Variants in TRPM3 observed in about 807,000 individuals in gnomAD.
TRPM3 encodes the protein transient receptor potential cation channel subfamily M member 3, also known as long transient receptor potential channel 3.
Under a neutral mutation model 181.2 loss-of-function variants are expected in TRPM3, and 77 were observed. The ratio of observed to expected loss-of-function variants is 0.42; its 90% confidence interval spans 0.35 to 0.51. TRPM3 has a LOEUF of 0.51. TRPM3 is among the 20% of genes least tolerant of loss of function. The pLI is 0.01. For missense variants in TRPM3, 1,759 were observed against 2,196.7 expected, an observed-to-expected ratio of 0.80 and a Z score of 3.98; for synonymous variants, 745 against 796.4, an observed-to-expected ratio of 0.94 and a Z score of 1.09.
At chr9:71,060,864 T>TA (rs1418295549) in intron 1 of TRPM3, among the ~76,000 whole-genome samples, 2 of 152,110 alleles carry the variant, frequency 1.3e-5, no homozygotes, top group African/African-American at 4.8e-5. Context: ...CTAGTCAAGC[T>TA]ACTTATACTT....
At chr9:70,664,257 C>A (rs564330388) in intron 9 of TRPM3, among the ~76,000 whole-genome samples, 1 of 152,116 alleles carries the variant, frequency 6.6e-6, no homozygotes, top group African/African-American at 2.4e-5. Flanking sequence ...CTACTAAATC[C>A]CTAATTTTTC....
At chr9:70,801,376 A>T (rs145027479) in intron 6 of TRPM3, among the ~76,000 whole-genome samples, 19 of 152,302 alleles carry the variant, frequency 1.2e-4, no homozygotes, top group Middle Eastern at 3.4e-3. Flanking sequence ...ACAGCTGTTC[A>T]TTATCAGAGC....
intron 9 of TRPM3, among the ~76,000 whole-genome samples, chr9:70,647,122 A>C (rs1253928788): frequency 3.3e-5 from 5 of 152,188 alleles, no homozygotes; most frequent in African/African-American, 1.2e-4. Flanking sequence ...TATAAATAAG[A>C]GGTGGTACCA....
Position 70,566,234 on chromosome 9 carries a change from G to A in TRPM3, c.3224-12924C>T, listed in dbSNP as rs563291270. Among the ~76,000 whole-genome samples the A allele has an allele frequency of 1.1e-4, 17 of 152,274 alleles. No homozygotes were observed. The South Asian group carries it at 3.5e-3, about 32-fold the overall frequency. The stretch of plus-strand genomic sequence containing the variant: ...GGTGTGATGCGGGAAGCCCACGGGT[G>A]GTGGTGGTAAGCCACACTAAGAAGG... On this transcript the variant is annotated intron_variant, in intron 22 of 25. Coordinates refer to ENST00000677713, the MANE Select transcript of TRPM3 (RefSeq NM_001366145.2).
At chr9:71,126,732 A>C (rs1395012548) in intron 1 of TRPM3, among the ~76,000 whole-genome samples, 1 of 152,214 alleles carries the variant, frequency 6.6e-6, no homozygotes, top group Non-Finnish European at 1.5e-5. Flanking sequence ...ATATCTCATA[A>C]CTACAATTGT....
chr9:71,259,889 A>G (rs1279481992), intron 1 of TRPM3, among the ~76,000 whole-genome samples: 1 of 151,334 alleles, frequency 6.6e-6, no homozygotes, highest in African/African-American at 2.4e-5. Context: ...CTTTTATTAG[A>G]CCCCATTTTA....
intron 1 of TRPM3, among the ~76,000 whole-genome samples, chr9:70,868,565 G>A (rs1445455658): frequency 6.6e-6 from 1 of 151,838 alleles, no homozygotes; most frequent in African/African-American, 2.4e-5. Flanking sequence ...ACCAGCTATC[G>A]AATCAAGTTC....
intron 14 of TRPM3, among the ~76,000 whole-genome samples, chr9:70,624,039 GA>G (rs2064073202): frequency 6.6e-6 from 1 of 151,984 alleles, no homozygotes. Context: ...AAACTTTTAA[GA>G]AAAAAATTGG....
intron 1 of TRPM3, among the ~76,000 whole-genome samples, chr9:71,026,483 T>C (rs917143833): frequency 3.3e-5 from 5 of 152,174 alleles, no homozygotes; most frequent in Non-Finnish European, 7.4e-5. Flanking sequence ...TACTCGCCCA[T>C]GGCCACCACC....
intron 12 of TRPM3, among the ~76,000 whole-genome samples, chr9:70,628,818 TAAAAAAAAA>T (rs10699305): frequency 1.1e-5 from 1 of 89,538 alleles, no homozygotes; most frequent in Admixed American, 1.6e-4. Flanking sequence ...GACTCTGTCT[TAAAAAAAAA>T]AAAAAAAAAA....
At chr9:71,285,059 A>G (rs1015265161) in intron 1 of TRPM3, among the ~76,000 whole-genome samples, 7 of 152,242 alleles carry the variant, frequency 4.6e-5, no homozygotes, top group African/African-American at 1.7e-4. Flanking sequence ...AGGCAAATTT[A>G]CCATGAAATT....
At chr9:71,007,531 C>T (rs1480275673) in intron 1 of TRPM3, among the ~76,000 whole-genome samples, 1 of 151,794 alleles carries the variant, frequency 6.6e-6, no homozygotes, top group East Asian at 1.9e-4. Flanking sequence ...CTTTGCTGAC[C>T]ACATGGAATA....
intron 3 of TRPM3, among the ~76,000 whole-genome samples, chr9:70,848,124 A>G (rs999163983): frequency 6.6e-6 from 1 of 152,224 alleles, no homozygotes; most frequent in African/African-American, 2.4e-5. Flanking sequence ...CATAAATGAG[A>G]TGACTGAGTA....
At chr9:71,269,602 T>C (rs1330589687) in intron 1 of TRPM3, among the ~76,000 whole-genome samples, 1 of 152,220 alleles carries the variant, frequency 6.6e-6, no homozygotes, top group African/African-American at 2.4e-5. Context: ...GTGATTATTT[T>C]GTAAATGAGT....
At chr9:71,089,768 C>T (rs1260258779) in intron 1 of TRPM3, among the ~76,000 whole-genome samples, 1 of 152,198 alleles carries the variant, frequency 6.6e-6, no homozygotes, top group South Asian at 2.1e-4. Flanking sequence ...GAAGGCCACT[C>T]AGCGGATGTC....
intron 1 of TRPM3, among the ~76,000 whole-genome samples, chr9:71,046,864 C>T (rs1038722522): frequency 6.6e-6 from 1 of 152,108 alleles, no homozygotes; most frequent in East Asian, 1.9e-4. Context: ...TGGTCTTTGG[C>T]CTTTCACAGT....
intron 1 of TRPM3, among the ~76,000 whole-genome samples, chr9:71,000,760 A>G (rs916545328): frequency 6.6e-6 from 1 of 152,238 alleles, no homozygotes; most frequent in Non-Finnish European, 1.5e-5. Context: ...CTTAGTCTAT[A>G]GAGCTGACAC....
intron 1 of TRPM3, among the ~76,000 whole-genome samples, chr9:71,170,745 C>T (rs1411890917): frequency 6.6e-6 from 1 of 152,148 alleles, no homozygotes; most frequent in Non-Finnish European, 1.5e-5. Context: ...AGGATGTATA[C>T]TGCCTCAGGA....
chr9:71,407,937 G>A (rs940344098), intron 1 of TRPM3, among the ~76,000 whole-genome samples: 6 of 152,194 alleles, frequency 3.9e-5, no homozygotes, highest in African/African-American at 9.6e-5. Context: ...TGCAGCCTCC[G>A]CTGGTGATAC....
Sources: allele counts gnomAD v4.1 joint callset (sites outside exome capture counted in the v4.1 genomes callset), GRCh38; gene constraint gnomAD v4.1.1; transcripts MANE v1.5; gene names NCBI Gene and HGNC (gene_info 2026-07-23, HGNC 2026-07-21).